DTWD2: variants seen among roughly 807,000 people sequenced by gnomAD.
DTWD2 encodes the protein tRNA-uridine aminocarboxypropyltransferase 2.
A neutral mutation model predicts 31.8 loss-of-function variants in DTWD2; 39 were observed. The observed-to-expected ratio is 1.22, with a 90% confidence interval of 0.95 to 1.60. DTWD2 has a LOEUF of 1.60. Among genes scored for constraint, DTWD2 ranks in the 40% most tolerant of loss-of-function variants. The pLI is 0.00. For missense variants in DTWD2, 515 were observed against 381.5 expected (o/e 1.35, Z -2.92); for synonymous variants, 180 against 142.8 (o/e 1.26, Z -1.86).
At chr5:118,864,304 C>T (rs1311976094) in intron 4 of DTWD2, among the ~76,000 whole-genome samples, 3 of 150,758 alleles carry the variant, frequency 2.0e-5, no homozygotes, top group Non-Finnish European at 4.4e-5. Context: ...ACTGCATGTT[C>T]TCACTCACAG....
In DTWD2 at chr5:118,968,365, A is replaced by C. The variant is rs299203; in HGVS notation, c.218+19929T>G. 2.9e-3 allele frequency among the ~76,000 whole-genome samples: 435 copies of C among 152,348 alleles called. 9 individuals carry two copies. The highest frequency in any genetic ancestry group is 9.4e-3 in the African/African-American group (392 of 41,586). Reference sequence around the variant, plus strand: ...AACATAGTTAACAGTACTGTACCAGAAGCAGCTGCAGTCAGTGGCTATCAC... The same window carrying C: ...AACATAGTTAACAGTACTGTACCAGCAGCAGCTGCAGTCAGTGGCTATCAC... On this transcript the variant is annotated intron_variant, in intron 1 of 5. Transcript: ENST00000510708.
intron 3 of DTWD2, among the ~76,000 whole-genome samples, chr5:118,929,582 C>T (rs974208140): frequency 2.6e-5 from 4 of 152,070 alleles, no homozygotes; most frequent in African/African-American, 7.2e-5. Context: ...GCCCGATTCA[C>T]AAATTGTTCA....
chr5:118,921,624 C>G lies in DTWD2; in HGVS notation c.597+6913G>C, dbSNP rs1176328398. ...TGAATTTAACACTCAAGGGTTGTGG[C>G]TCTCCCCCAAAGGAGGAAGACATTT... On this transcript the variant is annotated intron_variant, in intron 4 of 5. Transcript: ENST00000510708. Among the ~76,000 whole-genome samples the G allele has an allele frequency of 2.6e-5, 4 of 152,098 alleles. No homozygotes were observed. In the South Asian group the frequency reaches 6.2e-4, roughly 24 times the overall value.
At chr5:118,890,756 A>T (rs1752961828) in intron 4 of DTWD2, among the ~76,000 whole-genome samples, 1 of 151,684 alleles carries the variant, frequency 6.6e-6, no homozygotes, top group Admixed American at 6.6e-5. Context: ...TTTTTAGTAG[A>T]GACGGGGTTT....
At chr5:118,855,758 A>C (rs1204043313) in intron 4 of DTWD2, among the ~76,000 whole-genome samples, 1 of 152,186 alleles carries the variant, frequency 6.6e-6, no homozygotes, top group Non-Finnish European at 1.5e-5. Context: ...TTTTCTAAAC[A>C]TAAAAAATGC....
At chr5:118,952,181 G>C (rs981894358) in intron 1 of DTWD2, among the ~76,000 whole-genome samples, 4 of 152,346 alleles carry the variant, frequency 2.6e-5, no homozygotes, top group African/African-American at 9.6e-5. Context: ...AGAGGTCGTA[G>C]ATGGATCTTT....
At chr5:118,988,029 T>G in intron 1 of DTWD2, 1 of 695,304 alleles carries the variant, frequency 1.4e-6, no homozygotes, top group South Asian at 1.5e-5. Context: ...ACGCTTAAGT[T>G]TCTTGGAAAC....
At chr5:118,949,140 T>C (rs1754403652) in intron 1 of DTWD2, among the ~76,000 whole-genome samples, 1 of 152,064 alleles carries the variant, frequency 6.6e-6, no homozygotes, top group African/African-American at 2.4e-5. Context: ...GGAAGATTTG[T>C]AGGAGGGGCT....
intron 4 of DTWD2, among the ~76,000 whole-genome samples, chr5:118,894,066 C>T (rs1353576465): frequency 2.0e-5 from 3 of 150,588 alleles, no homozygotes; most frequent in Non-Finnish European, 3.0e-5. Context: ...AGGAAACTGA[C>T]ACAGGTTTCA....
chr5:118,907,876 C>A (rs1039350022), intron 4 of DTWD2, among the ~76,000 whole-genome samples: 3 of 152,138 alleles, frequency 2.0e-5, no homozygotes, highest in Non-Finnish European at 4.4e-5. Flanking sequence ...ATAAAGCCCA[C>A]CCATATTATG....
rs560426116 is a variant in DTWD2, at chr5:118,907,868, A to G, written c.597+20669T>C. Among the ~76,000 whole-genome samples, 8 of 152,330 alleles carry G rather than the reference A, an allele frequency of 5.3e-5. No homozygotes were observed. The South Asian group carries it at 1.7e-3, about 32-fold the overall frequency. On this transcript the variant is annotated intron_variant, in intron 4 of 5. Coordinates refer to ENST00000510708, the MANE Select transcript of DTWD2 (RefSeq NM_173666.4). ...TATTCAAGCCTTCAACTGACTGGAT[A>G]AAGCCCACCCATATTATGGCAGACA...
intron 1 of DTWD2, chr5:118,988,034 G>C: frequency 1.4e-6 from 1 of 696,850 alleles, no homozygotes. Flanking sequence ...TAAGTTTCTT[G>C]GAAACAGAAC....
intron 4 of DTWD2, among the ~76,000 whole-genome samples, chr5:118,878,705 CT>C (rs1322652182): frequency 6.6e-6 from 1 of 151,986 alleles, no homozygotes; most frequent in Non-Finnish European, 1.5e-5. Flanking sequence ...GTAAAAGAAA[CT>C]ATCATCAGAG....
chr5:118,893,025 T>G (rs555710099), intron 4 of DTWD2, among the ~76,000 whole-genome samples: 2 of 150,432 alleles, frequency 1.3e-5, no homozygotes, highest in Non-Finnish European at 3.0e-5. Context: ...AAGTTAAAAA[T>G]ATATATATAT....
intron 1 of DTWD2, among the ~76,000 whole-genome samples, chr5:118,955,586 A>C (rs187893623): frequency 6.6e-6 from 1 of 152,220 alleles, no homozygotes; most frequent in East Asian, 1.9e-4. Flanking sequence ...TAAAAAGAAC[A>C]AAGATTCCTA....
At chr5:118,869,428 G>T (rs1177561953) in intron 4 of DTWD2, among the ~76,000 whole-genome samples, 2 of 152,090 alleles carry the variant, frequency 1.3e-5, no homozygotes, top group Non-Finnish European at 2.9e-5. Flanking sequence ...GGTTCCTACT[G>T]CAATCTTTAG....
chr5:118,848,222 A>C lies in DTWD2; in HGVS notation c.598-4T>G. 1 of 1,579,108 alleles carries C rather than the reference A, an allele frequency of 6.3e-7. No individual in the cohort carries two copies. The highest frequency in any genetic ancestry group is 2.3e-5 in the East Asian group (1 of 44,140). On this transcript the variant is annotated splice_polypyrimidine_tract_variant and splice_region_variant and intron_variant, in intron 4 of 5. Transcript: ENST00000510708. Reference sequence around the variant, plus strand: ...AAATGCTAGTTTTTAATTGCACCTGAAATCAAAAACAAAATAGAACATAAT... The same window carrying C: ...AAATGCTAGTTTTTAATTGCACCTGCAATCAAAAACAAAATAGAACATAAT...
intron 4 of DTWD2, among the ~76,000 whole-genome samples, chr5:118,851,677 CG>C (rs1355386772): frequency 9.2e-6 from 1 of 108,134 alleles, no homozygotes; most frequent in East Asian, 2.7e-4. Context: ...CATCACACAC[CG>C]GGGCCTGTTG....
chr5:118,919,998 A>C (rs1465095753), intron 4 of DTWD2, among the ~76,000 whole-genome samples: 2 of 151,366 alleles, frequency 1.3e-5, no homozygotes, highest in Admixed American at 1.3e-4. Flanking sequence ...ATTACAGTGT[A>C]ATAAAAATAA....
Sources: allele counts gnomAD v4.1 joint callset (sites outside exome capture counted in the v4.1 genomes callset), GRCh38; gene constraint gnomAD v4.1.1; transcripts MANE v1.5; gene names NCBI Gene and HGNC (gene_info 2026-07-23, HGNC 2026-07-21).